Variants in RALYL observed in about 807,000 individuals in gnomAD.
RALYL encodes RNA-binding Raly-like protein.
A neutral mutation model predicts 35.1 loss-of-function variants in RALYL; 29 were observed. That is an observed-to-expected ratio of 0.83 (90% CI 0.61 to 1.13). The LOEUF is 1.13. Ranked by LOEUF, RALYL falls within the 50% of genes most tolerant of loss-of-function variation. RALYL has a pLI of 0.00. For missense variants in RALYL, 359 were observed against 360.4 expected (o/e 1.00, Z 0.03); for synonymous variants, 120 against 127.6 (o/e 0.94, Z 0.40).
chr8:84,403,624 C>T (rs1433273841), intron 1 of RALYL, among the ~76,000 whole-genome samples: 4 of 144,588 alleles, frequency 2.8e-5, no homozygotes, highest in African/African-American at 1.0e-4. Flanking sequence ...CGTGATGCCT[C>T]CAGCTTTGTT....
chr8:84,493,324 C>T (rs1286408436), intron 1 of RALYL, among the ~76,000 whole-genome samples: 1 of 152,056 alleles, frequency 6.6e-6, no homozygotes, highest in African/African-American at 2.4e-5. Flanking sequence ...TATTGATGGT[C>T]ATTTGGGTTG....
At chr8:84,341,994 T>A (rs1563761319) in intron 1 of RALYL, among the ~76,000 whole-genome samples, 1 of 151,658 alleles carries the variant, frequency 6.6e-6, no homozygotes, top group Non-Finnish European at 1.5e-5. Context: ...GGATAGCCCA[T>A]AGTAAAGATT....
chr8:84,615,119 C>CT (rs1042323857), intron 2 of RALYL, among the ~76,000 whole-genome samples: 16 of 151,622 alleles, frequency 1.1e-4, no homozygotes, highest in African/African-American at 3.4e-4. Context: ...TTAAGCAGCA[C>CT]TTTTTCATGA....
At chr8:84,453,669 T>C (rs2049786951) in intron 1 of RALYL, among the ~76,000 whole-genome samples, 1 of 152,070 alleles carries the variant, frequency 6.6e-6, no homozygotes. Context: ...CTTAGACTGA[T>C]GCTGATATTG....
chr8:84,508,791 C>T (rs1332420507), intron 1 of RALYL, among the ~76,000 whole-genome samples: 1 of 151,936 alleles, frequency 6.6e-6, no homozygotes, highest in African/African-American at 2.4e-5. Context: ...GATTATGATT[C>T]TCAGACTTCT....
chr8:84,559,872 G>A (rs2061367455), intron 2 of RALYL, among the ~76,000 whole-genome samples: 1 of 151,788 alleles, frequency 6.6e-6, no homozygotes, highest in African/African-American at 2.4e-5. Context: ...AAAGGAGGCT[G>A]CTAGGAGACA....
chr8:84,496,500 A>G (rs1018289520), intron 1 of RALYL, among the ~76,000 whole-genome samples: 5 of 152,096 alleles, frequency 3.3e-5, no homozygotes, highest in African/African-American at 4.8e-5. Context: ...TCTCACAACC[A>G]TGGCATTATT....
intron 2 of RALYL, among the ~76,000 whole-genome samples, chr8:84,621,626 C>A (rs188698321): frequency 5.3e-5 from 8 of 152,268 alleles, no homozygotes; most frequent in African/African-American, 1.9e-4. Context: ...CCTCCCCCGA[C>A]TATAGAACTT....
chr8:84,706,077 C>G (rs1437003891), intron 2 of RALYL: 6 of 1,533,408 alleles, frequency 3.9e-6, no homozygotes. Flanking sequence ...AAAATCTGAC[C>G]CAACTTTTTC....
At chr8:84,408,536 G>T (rs2043781631) in intron 1 of RALYL, among the ~76,000 whole-genome samples, 1 of 152,160 alleles carries the variant, frequency 6.6e-6, no homozygotes, top group Non-Finnish European at 1.5e-5. Context: ...AACAACAGAA[G>T]CTTCTTTCTT....
At chr8:84,467,268 T>C (rs1469564944) in intron 1 of RALYL, among the ~76,000 whole-genome samples, 1 of 152,044 alleles carries the variant, frequency 6.6e-6, no homozygotes, top group Non-Finnish European at 1.5e-5. Flanking sequence ...CTGCTTTCTC[T>C]TGTGGGCATT....
intron 2 of RALYL, among the ~76,000 whole-genome samples, chr8:84,731,637 A>G (rs537804198): frequency 6.6e-6 from 1 of 152,234 alleles, no homozygotes; most frequent in African/African-American, 2.4e-5. Context: ...TGCCTTCTAA[A>G]TGGTGCCTCC....
intron 2 of RALYL, among the ~76,000 whole-genome samples, chr8:84,739,417 ATGAC>A (rs1281635267): frequency 2.0e-5 from 3 of 151,952 alleles, no homozygotes; most frequent in Non-Finnish European, 4.4e-5. Flanking sequence ...ATATAAATAA[ATGAC>A]TAAGTGTCAA....
At chr8:84,425,043 G>T in intron 1 of RALYL, among the ~76,000 whole-genome samples, 1 of 152,160 alleles carries the variant, frequency 6.6e-6, no homozygotes, top group East Asian at 1.9e-4. Context: ...GCCTACAGAG[G>T]CAGGCAGACC....
intron 1 of RALYL, among the ~76,000 whole-genome samples, chr8:84,389,526 T>C (rs1860101461): frequency 6.6e-6 from 1 of 150,876 alleles, no homozygotes; most frequent in East Asian, 1.9e-4. Flanking sequence ...CCTTGAGCAG[T>C]GGTTTGTAGT....
chr8:84,664,705 A>C (rs962409873), intron 2 of RALYL, among the ~76,000 whole-genome samples: 1 of 152,102 alleles, frequency 6.6e-6, no homozygotes, highest in Non-Finnish European at 1.5e-5. Context: ...GAAGTTGCTT[A>C]TCAGCTTAAG....
intron 1 of RALYL, among the ~76,000 whole-genome samples, chr8:84,498,121 T>C (rs1273470791): frequency 6.6e-6 from 1 of 152,098 alleles, no homozygotes; most frequent in Non-Finnish European, 1.5e-5. Flanking sequence ...CGATTCCTTT[T>C]TGCTGGAAGC....
At chr8:84,228,644 CTG>C (rs1824556339) in intron 1 of RALYL, among the ~76,000 whole-genome samples, 1 of 152,122 alleles carries the variant, frequency 6.6e-6, no homozygotes, top group Admixed American at 6.6e-5. Flanking sequence ...TATGCACACT[CTG>C]TATTGGTCTG....
chr8:84,716,687 T>A (rs1274378745), intron 2 of RALYL, among the ~76,000 whole-genome samples: 5 of 152,130 alleles, frequency 3.3e-5, no homozygotes, highest in Admixed American at 6.6e-5. Flanking sequence ...CTTTCTAGAG[T>A]TTGTTTGCTT....
Sources: allele counts gnomAD v4.1 joint callset (sites outside exome capture counted in the v4.1 genomes callset), GRCh38; gene constraint gnomAD v4.1.1; transcripts MANE v1.5; gene names NCBI Gene and HGNC (gene_info 2026-07-23, HGNC 2026-07-21).